The following ZMYND11 variants were observed in gnomAD, a reference collection of about 807,000 sequenced individuals.
ZMYND11 encodes zinc finger MYND domain-containing protein 11.
Under a neutral mutation model 84.9 loss-of-function variants are expected in ZMYND11, and 9 were observed. The observed-to-expected ratio is 0.11, with a 90% CI of 0.06 to 0.18. The LOEUF is 0.18. ZMYND11 is among the 10% of genes least tolerant of loss of function. The probability of loss-of-function intolerance (pLI) is 1.00; values close to 1 mark genes in which losing one functional copy is unlikely to be tolerated. For missense variants in ZMYND11, 409 were observed against 761.0 expected (o/e 0.54, Z 5.44); for synonymous variants, 250 against 244.1 (o/e 1.02, Z -0.23).
chr10:224,855 C>G (rs749450830), intron 4 of ZMYND11, among the ~76,000 whole-genome samples: 1 of 152,166 alleles, frequency 6.6e-6, no homozygotes, highest in Non-Finnish European at 1.5e-5. Context: ...TCAAAGGTGA[C>G]ATATGCAAAT....
At chr10:168,899 G>A (rs781838415) in intron 1 of ZMYND11, among the ~76,000 whole-genome samples, 3 of 152,134 alleles carry the variant, frequency 2.0e-5, no homozygotes, top group Non-Finnish European at 4.4e-5. Flanking sequence ...AACTCTGAGA[G>A]TTAGAAACTT....
intron 14 of ZMYND11, among the ~76,000 whole-genome samples, chr10:251,062 T>C (rs1158069846): frequency 6.6e-6 from 1 of 152,164 alleles, no homozygotes; most frequent in African/African-American, 2.4e-5. Context: ...ACATCTTACA[T>C]TGTTGTAAGA....
intron 1 of ZMYND11, among the ~76,000 whole-genome samples, chr10:158,209 G>A (rs1554760025): frequency 1.3e-5 from 2 of 152,100 alleles, no homozygotes; most frequent in East Asian, 3.9e-4. Context: ...TTGTGTGGAT[G>A]TATGTTTTCA....
chr10:185,241 CCTCT>C (rs1379733192), intron 2 of ZMYND11, among the ~76,000 whole-genome samples: 1 of 151,962 alleles, frequency 6.6e-6, no homozygotes, highest in Non-Finnish European at 1.5e-5. Context: ...ATCTGTTGTG[CCTCT>C]CTGTCTTCTG....
At chr10:249,802 T>C (rs1293356892) in intron 14 of ZMYND11, 1 of 958,320 alleles carries the variant, frequency 1.0e-6, no homozygotes, top group East Asian at 1.2e-4. Flanking sequence ...TAATTCTTCA[T>C]TTTATCAAGC....
chr10:243,856 C>G (rs1456580395), intron 10 of ZMYND11, among the ~76,000 whole-genome samples: 4 of 152,162 alleles, frequency 2.6e-5, no homozygotes, highest in Non-Finnish European at 5.9e-5. Context: ...CACAGTGAGA[C>G]TCCGTCTCAA....
intron 1 of ZMYND11, among the ~76,000 whole-genome samples, chr10:138,302 G>T (rs967600314): frequency 6.6e-6 from 1 of 151,516 alleles, no homozygotes; most frequent in Non-Finnish European, 1.5e-5. Context: ...GTAGGGGGCC[G>T]GGGTGGGGGT....
rs183472525 is a variant in ZMYND11 at position 214,825 on chromosome 10, T to G, written c.276+4777T>G. 2.0e-3 allele frequency among the ~76,000 whole-genome samples: 311 copies of G among 152,342 alleles called. 1 individual carries two copies. Among genetic ancestry groups the G allele is most frequent in the African/African-American group, 7.2e-3 (299 of 41,590 alleles). On this transcript the variant is annotated intron_variant, in intron 3 of 14. Transcript: ENST00000381604. ...ACCTTTATTCTTAAAATGTGAGAAG[T>G]GTATTTCTTGGACAGAATTTTACCA...
chr10:162,404 C>CAGTA (rs1162835253), intron 1 of ZMYND11, among the ~76,000 whole-genome samples: 1 of 151,480 alleles, frequency 6.6e-6, no homozygotes, highest in Non-Finnish European at 1.5e-5. Context: ...AGAAAAAGGG[C>CAGTA]AGTAGACTTG....
chr10:184,550 A>T (rs1486469081), intron 2 of ZMYND11, among the ~76,000 whole-genome samples: 1 of 152,060 alleles, frequency 6.6e-6, no homozygotes, highest in Non-Finnish European at 1.5e-5. Flanking sequence ...TTAACTCAGA[A>T]TTCTGACTTT....
At chr10:197,818 C>T (rs1278670367) in intron 2 of ZMYND11, 10 of 409,214 alleles carry the variant, frequency 2.4e-5, no homozygotes, top group Non-Finnish European at 2.6e-5. Context: ...ATGTAATAAA[C>T]AATATGCCAA....
At chr10:226,312 C>G (rs1214160479) in intron 4 of ZMYND11, among the ~76,000 whole-genome samples, 1 of 152,142 alleles carries the variant, frequency 6.6e-6, no homozygotes, top group Non-Finnish European at 1.5e-5. Flanking sequence ...TGCTTTTGCT[C>G]TAATGCCTCA....
Position 254,350 on chromosome 10 carries a change from T to C in ZMYND11, c.*1880T>C, listed in dbSNP as rs892809259. On this transcript the variant is annotated 3_prime_UTR_variant, in exon 15 of 15. Coordinates refer to ENST00000381604, the MANE Select transcript of ZMYND11 (RefSeq NM_001370100.5). ...TTCCAAGTTACTACAGCGTGAAAAC[T>C]GTGTGTTTAAAAAAAAACAAAATTA... The C allele has an allele frequency of 5.2e-5, 8 of 152,522 alleles. No individual in the cohort carries two copies. Among genetic ancestry groups the C allele is most frequent in the Non-Finnish European group, 2.9e-5 (2 of 68,036 alleles). 9.4% of individuals were successfully genotyped at this position (152,522 alleles called of 1,614,324 possible). A position where few individuals can be genotyped will look rare whatever the true frequency, so the allele number is the denominator to read the frequency against.
intron 2 of ZMYND11, among the ~76,000 whole-genome samples, chr10:193,434 A>T (rs1325637279): frequency 2.0e-5 from 3 of 152,202 alleles, no homozygotes; most frequent in Admixed American, 2.0e-4. Flanking sequence ...TCTTTTGGAT[A>T]TGGGGTATCC....
At chr10:251,725 C>A (rs1034668121) in intron 14 of ZMYND11, among the ~76,000 whole-genome samples, 7 of 152,136 alleles carry the variant, frequency 4.6e-5, no homozygotes, top group African/African-American at 1.7e-4. Context: ...GTATATGGAC[C>A]CTTGCACTAG....
chr10:148,428 G>A (rs1839438592), intron 1 of ZMYND11: 1 of 152,144 alleles, frequency 6.6e-6, no homozygotes, highest in African/African-American at 2.4e-5. Flanking sequence ...CCTTTGCTCT[G>A]GGAAGAAGTC....
At chr10:234,213 A>G (rs954164048) in intron 4 of ZMYND11, among the ~76,000 whole-genome samples, 1 of 152,232 alleles carries the variant, frequency 6.6e-6, no homozygotes, top group South Asian at 2.1e-4. Context: ...GAAAGCGCAG[A>G]AAGGAAACAA....
intron 1 of ZMYND11, among the ~76,000 whole-genome samples, chr10:175,099 C>T (rs1410792265): frequency 6.6e-6 from 1 of 152,066 alleles, no homozygotes; most frequent in East Asian, 1.9e-4. Context: ...ATACTGTGGA[C>T]CTTGGGTCAT....
rs546891025 is a variant in ZMYND11, at chr10:224,352, A to C, written c.438+2996A>C. Among the ~76,000 whole-genome samples the C allele has an allele frequency of 8.5e-4, 130 of 152,316 alleles. 1 individual carries two copies. The highest frequency in any genetic ancestry group is 8.5e-3 in the Admixed American group (130 of 15,306). On this transcript the variant is annotated intron_variant, in intron 4 of 14. Transcript: ENST00000381604. The stretch of plus-strand genomic sequence containing the variant: ...ATAAATCTCTAGAATCTATAACCCT[A>C]AGAATAGTTCTTTGGAATGTCTGCC...
Sources: allele counts gnomAD v4.1 joint callset (sites outside exome capture counted in the v4.1 genomes callset), GRCh38; gene constraint gnomAD v4.1.1; transcripts MANE v1.5; gene names NCBI Gene and HGNC (gene_info 2026-07-23, HGNC 2026-07-21).